RNF13: variants seen among roughly 807,000 people sequenced by gnomAD.
RNF13 encodes the protein E3 ubiquitin-protein ligase RNF13.
Under a neutral mutation model 37.7 loss-of-function variants are expected in RNF13, and 19 were observed. The observed-to-expected ratio is 0.50, with a 90% CI of 0.35 to 0.74. The LOEUF (loss-of-function observed/expected upper bound fraction) is 0.74, where lower values mean the gene tolerates loss of function less well. Among genes scored for constraint, RNF13 ranks in the 30% least tolerant of loss-of-function variants. The probability of loss-of-function intolerance (pLI) is 0.01; values close to 1 mark genes in which losing one functional copy is unlikely to be tolerated. For missense variants in RNF13, 375 were observed against 453.0 expected (o/e 0.83, Z 1.56); for synonymous variants, 144 against 157.8 (o/e 0.91, Z 0.65).
chr3:149,957,739 T>C (rs904026333), intron 8 of RNF13, among the ~76,000 whole-genome samples: 15 of 152,158 alleles, frequency 9.9e-5, no homozygotes, highest in Admixed American at 2.6e-4. Flanking sequence ...TTGCATTATC[T>C]CTTTTAATCT....
At chr3:149,891,476 A>C (rs888874907) in intron 4 of RNF13, among the ~76,000 whole-genome samples, 5 of 152,218 alleles carry the variant, frequency 3.3e-5, no homozygotes, top group Non-Finnish European at 5.9e-5. Context: ...GCAGTCTGCT[A>C]TCTTCTGACA....
intron 8 of RNF13, chr3:149,939,026 A>G (rs1719987819): frequency 8.3e-6 from 4 of 481,468 alleles, no homozygotes; most frequent in Non-Finnish European, 1.6e-5. Flanking sequence ...GATTTTGAAT[A>G]ACCTCCTGGT....
At chr3:149,927,295 A>T (rs542299891) in intron 8 of RNF13, among the ~76,000 whole-genome samples, 1 of 152,328 alleles carries the variant, frequency 6.6e-6, no homozygotes, top group Non-Finnish European at 1.5e-5. Context: ...AGGATTATCG[A>T]TGTTGTAGCA....
At chr3:149,945,513 G>T (rs1720682253) in intron 8 of RNF13, among the ~76,000 whole-genome samples, 1 of 152,206 alleles carries the variant, frequency 6.6e-6, no homozygotes, top group African/African-American at 2.4e-5. Flanking sequence ...CAAACAAAAG[G>T]CAGCAGAAAT....
chr3:149,958,633 A>G (rs780286701), intron 8 of RNF13, among the ~76,000 whole-genome samples: 2 of 152,238 alleles, frequency 1.3e-5, no homozygotes, highest in Non-Finnish European at 2.9e-5. Flanking sequence ...ATGTGACTCA[A>G]AGGTTGATTT....
intron 1 of RNF13, among the ~76,000 whole-genome samples, chr3:149,818,009 T>C (rs964628910): frequency 1.5e-4 from 23 of 152,220 alleles, no homozygotes; most frequent in Non-Finnish European, 2.9e-5. Flanking sequence ...GATGTTGAAT[T>C]AAGTAGTAAA....
chr3:149,923,181 T>G (rs1231236177), intron 8 of RNF13, among the ~76,000 whole-genome samples: 1 of 152,144 alleles, frequency 6.6e-6, no homozygotes, highest in Non-Finnish European at 1.5e-5. Context: ...AAAAATGCAC[T>G]GCATTTTACA....
intron 1 of RNF13, among the ~76,000 whole-genome samples, chr3:149,836,871 A>G (rs1486883399): frequency 3.3e-5 from 5 of 152,342 alleles, no homozygotes; most frequent in African/African-American, 9.6e-5. Context: ...TATCATGCTA[A>G]GTGAAATAAG....
intron 4 of RNF13, among the ~76,000 whole-genome samples, chr3:149,875,459 A>T (rs1438801321): frequency 2.0e-5 from 3 of 152,206 alleles, no homozygotes; most frequent in Non-Finnish European, 2.9e-5. Flanking sequence ...GGAAATGAAT[A>T]AGTGGAATGT....
At chr3:149,826,735 C>T (rs1163813412) in intron 1 of RNF13, among the ~76,000 whole-genome samples, 4 of 152,132 alleles carry the variant, frequency 2.6e-5, no homozygotes, top group Non-Finnish European at 5.9e-5. Context: ...CATGATTCAG[C>T]AAATTAATTT....
At chr3:149,870,121 C>T (rs1241598876) in intron 3 of RNF13, among the ~76,000 whole-genome samples, 1 of 151,768 alleles carries the variant, frequency 6.6e-6, no homozygotes, top group Middle Eastern at 3.2e-3. Flanking sequence ...TCTCTATCTA[C>T]CTCATGGATA....
chr3:149,921,279 G>A, intron 8 of RNF13, 52 bp downstream of exon 8: 1 of 786,652 alleles, frequency 1.3e-6, no homozygotes, highest in Non-Finnish European at 1.9e-6. Context: ...AGACTGCAGG[G>A]TGACTATACT....
chr3:149,911,893 T>C, intron 6 of RNF13, 85 bp from the exon 7 acceptor site: 1 of 763,608 alleles, frequency 1.3e-6, no homozygotes. Context: ...ATGTCTGTTT[T>C]TAAAAATATT....
At position 149,934,777 on chromosome 3, in the gene RNF13, C is replaced by T. The variant is rs373366965; in HGVS notation, c.700+13550C>T. 5.9e-5 allele frequency among the ~76,000 whole-genome samples: 9 copies of T among 151,948 alleles called. No individual in the cohort carries two copies. The East Asian group carries it at 1.2e-3, about 20-fold the overall frequency. ...TAGCTGAGAGTACAGGCATGCACTA[C>T]TACACCCAGCTAATTTTTTTGTAGA... On this transcript the variant is annotated intron_variant, in intron 8 of 9. Coordinates refer to ENST00000392894, the MANE Select transcript of RNF13 (RefSeq NM_183381.3).
At chr3:149,877,472 C>CT (rs369676407) in intron 4 of RNF13, among the ~76,000 whole-genome samples, 4,340 of 101,410 alleles carry the variant, frequency 0.043, 138 homozygotes, top group African/African-American at 0.075. Context: ...TTCTTTCTGT[C>CT]TTTTTTTTTT....
intron 4 of RNF13, among the ~76,000 whole-genome samples, 169 bp downstream of exon 4, chr3:149,872,323 C>T (rs1002401356): frequency 1.3e-5 from 2 of 152,170 alleles, no homozygotes; most frequent in Non-Finnish European, 2.9e-5. Flanking sequence ...TAAGAATTTT[C>T]AGGCATTTGT....
Position 149,961,128 on chromosome 3 carries a change from T to C in RNF13, c.*24T>C, listed in dbSNP as rs1355685410. On this transcript the variant is annotated 3_prime_UTR_variant, in exon 10 of 10. Coordinates refer to ENST00000392894, the MANE Select transcript of RNF13 (RefSeq NM_183381.3). ...GACTTTCAGAAGATGATTGGTTTAT[T>C]TCCCTTTAAAATGATTAGGTATATA... The C allele has an allele frequency of 1.9e-6, 3 of 1,570,178 alleles. No individual in the cohort carries two copies. The highest frequency in any genetic ancestry group is 2.6e-6 in the Non-Finnish European group (3 of 1,158,266).
At chr3:149,875,560 G>A (rs569808277) in intron 4 of RNF13, among the ~76,000 whole-genome samples, 171 of 152,282 alleles carry the variant, frequency 1.1e-3, no homozygotes, top group Non-Finnish European at 1.4e-3. Flanking sequence ...CAGCAGAAAT[G>A]CAATTAACAA....
At chr3:149,909,114 T>C (rs1716720720) in intron 6 of RNF13, among the ~76,000 whole-genome samples, 1 of 152,188 alleles carries the variant, frequency 6.6e-6, no homozygotes, top group Non-Finnish European at 1.5e-5. Context: ...AGACCTGGGC[T>C]GACAGAAGAA....
Sources: allele counts gnomAD v4.1 joint callset (sites outside exome capture counted in the v4.1 genomes callset), GRCh38; gene constraint gnomAD v4.1.1; transcripts MANE v1.5; gene names NCBI Gene and HGNC (gene_info 2026-07-23, HGNC 2026-07-21).